The following MAD1L1 variants were observed in gnomAD, a reference collection of about 807,000 sequenced individuals.
MAD1L1 encodes mitotic spindle assembly checkpoint protein MAD1.
MAD1L1 carries 95 observed loss-of-function variants against 96.9 expected under a neutral mutation model. The ratio of observed to expected loss-of-function variants is 0.98; its 90% confidence interval spans 0.83 to 1.16. The LOEUF (loss-of-function observed/expected upper bound fraction) is 1.16, where lower values mean the gene tolerates loss of function less well. Ranked by LOEUF, MAD1L1 falls within the 50% of genes most tolerant of loss-of-function variation. MAD1L1 has a pLI of 0.00. For synonymous variants in MAD1L1, 473 were observed against 396.6 expected (o/e 1.19, Z -2.29); for missense variants, 1,007 against 954.4 (o/e 1.06, Z -0.73).
At chr7:2,086,843 C>A (rs1246323116) in intron 11 of MAD1L1, among the ~76,000 whole-genome samples, 2 of 152,238 alleles carry the variant, frequency 1.3e-5, no homozygotes, top group Non-Finnish European at 2.9e-5. Flanking sequence ...GCATGAGCCA[C>A]CGCGCCCAGC....
At chr7:1,963,119 C>T (rs777155211) in intron 15 of MAD1L1, among the ~76,000 whole-genome samples, 5 of 152,162 alleles carry the variant, frequency 3.3e-5, no homozygotes, top group Non-Finnish European at 5.9e-5. Context: ...AAAACGAAGT[C>T]GATTTCTACA....
At chr7:2,060,060 G>A (rs551637529) in intron 12 of MAD1L1, among the ~76,000 whole-genome samples, 97 of 150,804 alleles carry the variant, frequency 6.4e-4, no homozygotes, top group Non-Finnish European at 1.2e-3. Context: ...CACCGATGCC[G>A]AGGTATCAAG....
At chr7:1,862,363 G>A (rs140729622) in intron 18 of MAD1L1, among the ~76,000 whole-genome samples, 286 of 152,350 alleles carry the variant, frequency 1.9e-3, no homozygotes, top group Non-Finnish European at 3.4e-3. Context: ...CCTAGAAGAC[G>A]GCAAAGCTCC....
At chr7:1,910,749 G>A (rs10243920) in intron 17 of MAD1L1, among the ~76,000 whole-genome samples, 66,724 of 152,122 alleles carry the variant, frequency 0.44, 14,840 homozygotes, top group Admixed American at 0.55. Context: ...GCCTGTCCGG[G>A]GCAGGAACAC....
intron 18 of MAD1L1, among the ~76,000 whole-genome samples, chr7:1,853,822 A>G (rs1218432071): frequency 2.0e-5 from 3 of 152,080 alleles, no homozygotes; most frequent in Non-Finnish European, 2.9e-5. Flanking sequence ...CACTCCGAGC[A>G]GCCTGGGTGG....
At chr7:2,073,823 G>A (rs1240778967) in intron 11 of MAD1L1, among the ~76,000 whole-genome samples, 2 of 152,192 alleles carry the variant, frequency 1.3e-5, no homozygotes, top group East Asian at 1.9e-4. Context: ...ACGGAGATGG[G>A]AGAAGTGAAC....
chr7:2,028,986 AC>A (rs540070966), intron 12 of MAD1L1, among the ~76,000 whole-genome samples: 203 of 152,304 alleles, frequency 1.3e-3, no homozygotes, highest in Admixed American at 3.1e-3. Context: ...CAGGAGTGAA[AC>A]CCTGGAACAA....
At chr7:1,994,553 C>G (rs1214927303) in intron 14 of MAD1L1, among the ~76,000 whole-genome samples, 1 of 152,170 alleles carries the variant, frequency 6.6e-6, no homozygotes, top group Non-Finnish European at 1.5e-5. Flanking sequence ...TCTCACACAG[C>G]AGGAAGGAGG....
intron 12 of MAD1L1, among the ~76,000 whole-genome samples, chr7:2,036,641 C>G (rs1246495368): frequency 6.6e-6 from 1 of 152,150 alleles, no homozygotes; most frequent in Non-Finnish European, 1.5e-5. Context: ...CACTGTGGGC[C>G]CTCTTTTGAA....
Position 1,935,674 on chromosome 7 carries a change from C to A in MAD1L1, c.1807+1013G>T, listed in dbSNP as rs373145579. On this transcript the variant is annotated intron_variant, in intron 17 of 18. Coordinates refer to ENST00000265854, the MANE Select transcript of MAD1L1 (RefSeq NM_001013836.2). ...GCCACACAACCTCTGCACCTGCATG[C>A]TCACAGGGAATGCTCTCCCACAGTA... is the stretch of plus-strand genomic sequence containing the variant. Among the ~76,000 whole-genome samples, 285 of 152,366 alleles carry A rather than the reference C, an allele frequency of 1.9e-3. 4 individuals are homozygous for A. Among genetic ancestry groups the A allele is most frequent in the South Asian group, 0.017 (81 of 4,832 alleles).
rs1301741730 is a variant in MAD1L1 at position 2,142,758 on chromosome 7, G to A, written c.1073+6394C>T. 2.0e-5 allele frequency among the ~76,000 whole-genome samples: 3 copies of A among 152,230 alleles called. No individual in the cohort carries two copies. Among genetic ancestry groups the A allele is most frequent in the African/African-American group, 7.2e-5 (3 of 41,464 alleles). On this transcript the variant is annotated intron_variant, in intron 11 of 18. Transcript: ENST00000265854. This position sits in a 1 kb window ranked among gnomAD's most constrained non-coding sequence, Gnocchi z 4.7. ...GCCTCTGGCCATGTCAAACCCCAGG[G>A]GCCCCCTTATGCCGAGAGCAGGTGG...
intron 10 of MAD1L1, among the ~76,000 whole-genome samples, chr7:2,212,902 T>A (rs1793054667): frequency 6.6e-6 from 1 of 152,234 alleles, no homozygotes; most frequent in Non-Finnish European, 1.5e-5. Context: ...TTCCTCGGTA[T>A]ACACCAAAAA....
At chr7:1,893,907 T>C (rs1010591136) in intron 18 of MAD1L1, among the ~76,000 whole-genome samples, 1 of 152,242 alleles carries the variant, frequency 6.6e-6, no homozygotes, top group Admixed American at 6.5e-5. Flanking sequence ...AGTGACCATC[T>C]GCAGGCAGAG....
chr7:2,000,180 C>T (rs561928194), intron 14 of MAD1L1, among the ~76,000 whole-genome samples: 42 of 152,180 alleles, frequency 2.8e-4, no homozygotes, highest in Admixed American at 1.4e-3. Flanking sequence ...TGAGCCCACC[C>T]GGGGCGGAAT....
At chr7:1,899,777 G>T (rs1361995028) in intron 17 of MAD1L1, among the ~76,000 whole-genome samples, 4 of 152,200 alleles carry the variant, frequency 2.6e-5, no homozygotes, top group African/African-American at 9.6e-5. Flanking sequence ...TTTGTGCACA[G>T]CGGCCCGAAG....
intron 11 of MAD1L1, among the ~76,000 whole-genome samples, chr7:2,108,731 T>C (rs1419142090): frequency 2.0e-5 from 3 of 152,178 alleles, no homozygotes; most frequent in Non-Finnish European, 4.4e-5. Flanking sequence ...GAAACTTTCA[T>C]CTCCTTTCAG....
chr7:1,874,441 G>C (rs752105166), intron 18 of MAD1L1: 1 of 440,054 alleles, frequency 2.3e-6, no homozygotes, highest in African/African-American at 2.1e-5. Context: ...AGCACCCGCC[G>C]TGGCCAGGGT....
intron 11 of MAD1L1, among the ~76,000 whole-genome samples, chr7:2,069,977 C>T (rs972510437): frequency 3.3e-5 from 5 of 152,104 alleles, no homozygotes; most frequent in African/African-American, 7.2e-5. Context: ...CTGTCACCTA[C>T]GTTACCACAA....
intron 10 of MAD1L1, among the ~76,000 whole-genome samples, chr7:2,207,384 G>A (rs1792654592): frequency 6.6e-6 from 1 of 152,186 alleles, no homozygotes; most frequent in Non-Finnish European, 1.5e-5. Context: ...AAACACCAAG[G>A]TGAGATTAGA....
Sources: allele counts gnomAD v4.1 joint callset (sites outside exome capture counted in the v4.1 genomes callset), GRCh38; gene constraint gnomAD v4.1.1; non-coding constraint Gnocchi (gnomAD v3.1); transcripts MANE v1.5; gene names NCBI Gene and HGNC (gene_info 2026-07-23, HGNC 2026-07-21).